Variants in HSPB1 observed in about 807,000 individuals in gnomAD.
HSPB1 encodes the protein heat shock protein beta-1.
In HSPB1, 19 loss-of-function variants were observed where a neutral mutation model predicts 17.0. The observed-to-expected ratio is 1.12, with a 90% confidence interval of 0.78 to 1.64. The LOEUF is 1.64. HSPB1 is among the 40% of genes most tolerant of loss of function. The pLI, the probability that HSPB1 is intolerant of heterozygous loss-of-function variation, is 0.00. For synonymous variants in HSPB1, 165 were observed against 129.8 expected (o/e 1.27, Z -1.84); for missense variants, 348 against 289.2 (o/e 1.20, Z -1.47).
Position 76,302,807 on chromosome 7 carries a change from C to G in HSPB1, c.95C>G (p.Ala32Gly). 6.2e-7 allele frequency: 1 copy of G among 1,608,336 alleles called. No individual in the cohort carries two copies. Among genetic ancestry groups the G allele is most frequent in the South Asian group, 1.1e-5 (1 of 90,820 alleles). ...CCGCATAGCCGCCTCTTCGACCAGG[C>G]CTTCGGGCTGCCCCGGCTGCCGGAG... The part of the protein sequence containing the change: ...WYPHSRLFDQ[A>G]FGLPRLPEEW... The change falls in exon 1 of 3, where the codon GCC becomes GGC. Residue 32 changes from alanine (A) to glycine (G), a missense_variant. Coordinates refer to ENST00000248553, the MANE Select transcript of HSPB1 (RefSeq NM_001540.5).
intron 1 of HSPB1, chr7:76,303,301 G>C (rs1380864530): frequency 5.2e-6 from 3 of 575,640 alleles, no homozygotes; most frequent in Non-Finnish European, 9.0e-6. Flanking sequence ...GCCGAGACGG[G>C]AGGATCGCTT....
At position 76,303,851 on chromosome 7, in the gene HSPB1, C is replaced by T; in HGVS notation, c.414C>T (p.Phe138=). 6.2e-7 allele frequency: 1 copy of T among 1,610,304 alleles called. No homozygotes were observed. Among genetic ancestry groups the T allele is most frequent in the Non-Finnish European group, 8.5e-7 (1 of 1,179,734 alleles). The change falls in exon 2 of 3, where the codon TTC becomes TTT. Residue 138 remains phenylalanine (F), a synonymous_variant. Coordinates refer to ENST00000248553, the MANE Select transcript of HSPB1 (RefSeq NM_001540.5). ...AGCATGGCTACATCTCCCGGTGCTT[C>T]ACGCGGAAATACACGTGAGTCCTGG... ...QDEHGYISRC[F]TRKYTLPPGV...
At position 76,304,109 on chromosome 7, in the gene HSPB1, T is replaced by G. The variant is rs777225392; in HGVS notation, c.554T>G (p.Phe185Cys). ...QSNEITIPVT[F>C]ESRAQLGGPE... is the part of the protein sequence containing the mutation. ...AACGAGATCACCATCCCAGTCACCT[T>G]CGAGTCGCGGGCCCAGCTTGGGGGC... Residue 185 changes from phenylalanine (F) to cysteine (C), a missense_variant, in exon 3 of 3, where the codon TTC becomes TGC. Physicochemically the swap from Phe to Cys is radical, Grantham distance 205 (BLOSUM62 -2). Coordinates refer to ENST00000248553, the MANE Select transcript of HSPB1 (RefSeq NM_001540.5). The G allele has an allele frequency of 3.1e-6, 5 of 1,613,504 alleles. No individual in the cohort carries two copies. Among genetic ancestry groups the G allele is most frequent in the African/African-American group, 2.7e-5 (2 of 75,020 alleles).
chr7:76,303,412 A>T, intron 1 of HSPB1: 2 of 450,392 alleles, frequency 4.4e-6, no homozygotes, highest in South Asian at 7.0e-5. Context: ...AAATTTTTTT[A>T]AAGATCATCG....
chr7:76,302,949 G>T lies in HSPB1; in HGVS notation c.237G>T (p.Arg79=). The T allele has an allele frequency of 6.5e-7, 1 of 1,544,708 alleles. No individual in the cohort carries two copies. The highest frequency in any genetic ancestry group is 8.7e-7 in the Non-Finnish European group (1 of 1,150,560). The change falls in exon 1 of 3, where the codon CGG becomes CGT. Residue 79 remains arginine, a synonymous_variant. Coordinates refer to ENST00000248553, the MANE Select transcript of HSPB1 (RefSeq NM_001540.5). ...CCGCCTACAGCCGCGCGCTCAGCCGGCAACTCAGCAGCGGGGTCTCGGAGA... is the reference window on the plus strand; with the variant it reads ...CCGCCTACAGCCGCGCGCTCAGCCGTCAACTCAGCAGCGGGGTCTCGGAGA... ...AAPAYSRALS[R]QLSSGVSEIR...
At chr7:76,303,649 A>G (rs1803052116) in intron 1 of HSPB1, 153 bp from the exon 2 acceptor site, 1 of 657,942 alleles carries the variant, frequency 1.5e-6, no homozygotes, top group Non-Finnish European at 2.8e-6. Context: ...GAGAGCCCAG[A>G]CCGGCGGGCA....
rs200902768 is a variant in HSPB1, at chr7:76,303,796, C to G, written c.365-6C>G. 8.8e-5 allele frequency: 142 copies of G among 1,611,060 alleles called. 1 individual carries two copies. The highest frequency in any genetic ancestry group is 6.7e-4 in the Middle Eastern group (3 of 4,452). ...CCGCAGTCTGATTTCCCTCTTCCCCCCAAAGGCAAGCACGAGGAGCGGCAG... is the reference window on the plus strand; with the variant it reads ...CCGCAGTCTGATTTCCCTCTTCCCCGCAAAGGCAAGCACGAGGAGCGGCAG... On this transcript the variant is annotated splice_region_variant and splice_polypyrimidine_tract_variant and intron_variant, in intron 1 of 2. Transcript: ENST00000248553.
Position 76,304,008 on chromosome 7 carries a change from C to A in HSPB1, c.453C>A (p.Thr151=). 1 of 1,613,862 alleles carries A rather than the reference C, an allele frequency of 6.2e-7. No homozygotes were observed. Among genetic ancestry groups the A allele is most frequent in the Non-Finnish European group, 8.5e-7 (1 of 1,180,010 alleles). Residue 151 remains threonine (T), a synonymous_variant, in exon 3 of 3, where the codon ACC becomes ACA. Transcript: ENST00000248553. The part of the protein sequence containing the change: ...KYTLPPGVDP[T]QVSSSLSPEG... ...GGCTGCCCCCCGGTGTGGACCCCAC[C>A]CAAGTTTCCTCCTCCCTGTCCCCTG...
intron 1 of HSPB1, 65 bp from the exon 2 acceptor site, chr7:76,303,737 C>G (rs1308568539): frequency 1.2e-5 from 17 of 1,473,060 alleles, no homozygotes; most frequent in East Asian, 9.0e-5. Context: ...GGTGGGGCCT[C>G]TGGCCTAGCG....
Position 76,302,705 on chromosome 7 carries a change from C to T in HSPB1, c.-8C>T, listed in dbSNP as rs992604329. ...TCTGAGCAGACGTCCAGAGCAGAGT[C>T]AGCCAGCATGACCGAGCGCCGCGTC... On this transcript the variant is annotated 5_prime_UTR_variant, in exon 1 of 3. Transcript: ENST00000248553. The T allele has an allele frequency of 2.5e-6, 4 of 1,600,070 alleles. No homozygotes were observed. Among genetic ancestry groups the T allele is most frequent in the Admixed American group, 1.7e-5 (1 of 59,992 alleles).
intron 1 of HSPB1, chr7:76,303,543 G>T: frequency 1.7e-6 from 1 of 581,674 alleles, no homozygotes; most frequent in Non-Finnish European, 3.1e-6. Context: ...GCGTGTGCGC[G>T]GCTCCAAGTG....
At position 76,302,817 on chromosome 7, in the gene HSPB1, G is replaced by A. The variant is rs1374965294; in HGVS notation, c.105G>A (p.Leu35=). Residue 35 remains leucine, a synonymous_variant, in exon 1 of 3, where the codon CTG becomes CTA. Transcript: ENST00000248553. Reference sequence around the variant, plus strand: ...GCCTCTTCGACCAGGCCTTCGGGCTGCCCCGGCTGCCGGAGGAGTGGTCGC... The same window carrying A: ...GCCTCTTCGACCAGGCCTTCGGGCTACCCCGGCTGCCGGAGGAGTGGTCGC... ...HSRLFDQAFG[L]PRLPEEWSQW... 13 of 1,606,730 alleles carry A rather than the reference G, an allele frequency of 8.1e-6. No homozygotes were observed. Among genetic ancestry groups the A allele is most frequent in the East Asian group, 2.2e-5 (1 of 44,782 alleles).
chr7:76,303,096 C>A lies in HSPB1; in HGVS notation c.364+20C>A. ...TCACCGGTGAGCCCCCCTGCTCCTG[C>A]AGGGGAGAGGAGGAGGCTAGCAGGG... On this transcript the variant is annotated intron_variant, in intron 1 of 2. Transcript: ENST00000248553. 6.6e-7 allele frequency: 1 copy of A among 1,510,358 alleles called. No individual in the cohort carries two copies. The highest frequency in any genetic ancestry group is 1.2e-5 in the South Asian group (1 of 81,416). 93.6% of individuals were successfully genotyped at this position (1,510,358 alleles called of 1,614,324 possible).
In HSPB1 at chr7:76,303,862, A is replaced by G. The variant is rs1276548832; in HGVS notation, c.425A>G (p.Tyr142Cys). ...ATCTCCCGGTGCTTCACGCGGAAAT[A>G]CACGTGAGTCCTGGCGCCAGGTCGG... ...GYISRCFTRKYTLPPGVDPTQ... is the reference protein window; with the variant it reads ...GYISRCFTRKCTLPPGVDPTQ... The change falls in exon 2 of 3, where the codon TAC becomes TGC. Residue 142 changes from tyrosine (Y) to cysteine (C), a missense_variant. By Grantham distance (194) the Tyr-to-Cys change is radical (BLOSUM62 -2). Transcript: ENST00000248553. 1 of 1,586,154 alleles carries G rather than the reference A, an allele frequency of 6.3e-7. No individual in the cohort carries two copies. The highest frequency in any genetic ancestry group is 8.6e-7 in the Non-Finnish European group (1 of 1,161,150).
chr7:76,302,805 G>A lies in HSPB1; in HGVS notation c.93G>A (p.Gln31=), dbSNP rs761051758. 5.0e-6 allele frequency: 8 copies of A among 1,608,492 alleles called. No homozygotes were observed. The highest frequency in any genetic ancestry group is 6.8e-6 in the Non-Finnish European group (8 of 1,179,318). Residue 31 remains glutamine, a synonymous_variant, in exon 1 of 3, where the codon CAG becomes CAA. Coordinates refer to ENST00000248553, the MANE Select transcript of HSPB1 (RefSeq NM_001540.5). ...ACCCGCATAGCCGCCTCTTCGACCA[G>A]GCCTTCGGGCTGCCCCGGCTGCCGG... is the stretch of plus-strand genomic sequence containing the variant. The part of the protein sequence containing the change: ...DWYPHSRLFD[Q]AFGLPRLPEE...
rs1448899233 is a variant in HSPB1, at chr7:76,304,143, T to C, written c.588T>C (p.Ala196=). ...ESRAQLGGPE[A]AKSDETAAK The stretch of plus-strand genomic sequence containing the variant: ...GGGCCCAGCTTGGGGGCCCAGAAGC[T>C]GCAAAATCCGATGAGACTGCCGCCA... Residue 196 remains alanine (A), a synonymous_variant, in exon 3 of 3, where the codon GCT becomes GCC. Transcript: ENST00000248553. 6.2e-7 allele frequency: 1 copy of C among 1,612,168 alleles called. No homozygotes were observed. The highest frequency in any genetic ancestry group is 1.3e-5 in the African/African-American group (1 of 74,848).
At chr7:76,303,277 C>T (rs1340497362) in intron 1 of HSPB1, 5 of 621,260 alleles carry the variant, frequency 8.0e-6, no homozygotes, top group African/African-American at 1.9e-5. Flanking sequence ...TCTGTAATCC[C>T]AGCGCTTTGG....
At chr7:76,303,219 C>T in intron 1 of HSPB1, 143 bp downstream of exon 1, 1 of 1,021,030 alleles carries the variant, frequency 9.8e-7, no homozygotes, top group South Asian at 1.6e-5. Flanking sequence ...TCCTGATTCC[C>T]TTGCTCAGGA....
rs776426952 is a variant in HSPB1 at position 76,302,673 on chromosome 7, G to C, written c.-40G>C. 1 of 1,596,446 alleles carries C rather than the reference G, an allele frequency of 6.3e-7. No homozygotes were observed. The highest frequency in any genetic ancestry group is 8.5e-7 in the Non-Finnish European group (1 of 1,179,706). ...AAAGCGCAGCCGAGCCCAGCGCCCC[G>C]CACTTTTCTGAGCAGACGTCCAGAG... On this transcript the variant is annotated 5_prime_UTR_variant, in exon 1 of 3. Coordinates refer to ENST00000248553, the MANE Select transcript of HSPB1 (RefSeq NM_001540.5).
Sources: gnomAD v4.1 joint callset for allele counts on GRCh38, gnomAD v4.1.1 for gene constraint, MANE v1.5 for transcripts, NCBI Gene and HGNC (gene_info 2026-07-23, HGNC 2026-07-21) for gene names.